Variants in CIMIP2A observed in about 807,000 individuals in gnomAD.
CIMIP2A encodes ciliary microtubule inner protein 2A.
chr9:137,245,744 G>A, the CIMIP2A span: 5 of 1,595,094 alleles, frequency 3.1e-6, no homozygotes, highest in East Asian at 9.0e-5. Context: ...ATGGGGGACA[G>A]CACAGAGCAG....
chr9:137,253,948 C>T, the CIMIP2A span, among the ~76,000 whole-genome samples: 1 of 152,192 alleles, frequency 6.6e-6, no homozygotes, highest in Non-Finnish European at 1.5e-5. Context: ...GCCCTGCAGA[C>T]TCCACTCCCG....
the CIMIP2A span, chr9:137,245,736 G>A: frequency 1.3e-3 from 2,075 of 1,601,038 alleles, 20 homozygotes; most frequent in African/African-American, 0.025. Flanking sequence ...GTTTGGACAT[G>A]GGGGACAGCA....
At chr9:137,252,910 C>A in the CIMIP2A span, 2 of 1,598,864 alleles carry the variant, frequency 1.3e-6, no homozygotes, top group Non-Finnish European at 1.7e-6. Context: ...AGAGCCCCCG[C>A]TCGCCGGCCT....
At chr9:137,252,027 G>A in the CIMIP2A span, 1 of 1,612,560 alleles carries the variant, frequency 6.2e-7, no homozygotes, top group South Asian at 1.1e-5. Context: ...CCTGATCACA[G>A]CTGACCTGGA....
At chr9:137,243,632 C>T in the CIMIP2A span, 3 of 1,613,804 alleles carry the variant, frequency 1.9e-6, no homozygotes, top group Non-Finnish European at 2.5e-6. Flanking sequence ...GTGGCCTGTC[C>T]CACTGTGTGC....
the CIMIP2A span, chr9:137,244,365 T>C: frequency 6.2e-7 from 1 of 1,601,466 alleles, no homozygotes; most frequent in Non-Finnish European, 8.5e-7. Flanking sequence ...AGTGGGGGCC[T>C]GGCCGGAGGG....
the CIMIP2A span, chr9:137,244,320 C>T: frequency 1.6e-5 from 26 of 1,612,400 alleles, no homozygotes; most frequent in South Asian, 2.5e-4. Context: ...AACAAGCTCC[C>T]TCCCCGGCAG....
At chr9:137,254,759 C>T in the CIMIP2A span, among the ~76,000 whole-genome samples, 1 of 152,022 alleles carries the variant, frequency 6.6e-6, no homozygotes, top group Non-Finnish European at 1.5e-5. Context: ...CTTCACGGCT[C>T]CGCGGAGCTC....
chr9:137,254,416 G>C, the CIMIP2A span, among the ~76,000 whole-genome samples: 1 of 152,208 alleles, frequency 6.6e-6, no homozygotes, highest in Non-Finnish European at 1.5e-5. Context: ...CTCTGCTCAC[G>C]GCTGCACCAC....
chr9:137,244,025 G>A, the CIMIP2A span: 268 of 926,938 alleles, frequency 2.9e-4, 2 homozygotes, highest in East Asian at 6.7e-3. Context: ...TAGGGAGGAT[G>A]GCAGACAATC....
chr9:137,249,331 G>T, the CIMIP2A span, among the ~76,000 whole-genome samples: 1 of 152,194 alleles, frequency 6.6e-6, no homozygotes, highest in South Asian at 2.1e-4. Flanking sequence ...AACCAAGTTG[G>T]TATGGATCAC....
the CIMIP2A span, chr9:137,244,733 T>G: frequency 1.2e-6 from 2 of 1,612,874 alleles, no homozygotes; most frequent in Non-Finnish European, 8.5e-7. Flanking sequence ...GAAGCCAGCA[T>G]AGCCTGGGGG....
At chr9:137,244,987 G>T in the CIMIP2A span, 1 of 1,607,604 alleles carries the variant, frequency 6.2e-7, no homozygotes. Flanking sequence ...TTCTGGAGCA[G>T]GAAAAGTGGG....
the CIMIP2A span, among the ~76,000 whole-genome samples, chr9:137,254,057 G>A: frequency 3.3e-5 from 5 of 152,256 alleles, no homozygotes; most frequent in East Asian, 1.9e-4. Flanking sequence ...ACCCAGGGTC[G>A]GGCCCCAAGG....
the CIMIP2A span, among the ~76,000 whole-genome samples, chr9:137,248,505 T>C: frequency 7.7e-3 from 1,077 of 140,282 alleles, 15 homozygotes; most frequent in African/African-American, 0.027. Context: ...ATCGTGCCAC[T>C]GCACTCCAGC....
At chr9:137,252,056 G>C in the CIMIP2A span, 1 of 1,613,124 alleles carries the variant, frequency 6.2e-7, no homozygotes, top group Non-Finnish European at 8.5e-7. Context: ...GCCCCACCAG[G>C]TACCAGGTGC....
chr9:137,251,696 G>A, the CIMIP2A span: 9 of 1,544,870 alleles, frequency 5.8e-6, no homozygotes, highest in Middle Eastern at 1.8e-4. Context: ...GTGGCTGGGA[G>A]CGGCCGGGGG....
chr9:137,250,321 A>G, the CIMIP2A span: 1 of 152,054 alleles, frequency 6.6e-6, no homozygotes. Context: ...AGCAAAGTAC[A>G]CTCTGTTCCA....
chr9:137,244,597 G>A, the CIMIP2A span: 1 of 1,605,306 alleles, frequency 6.2e-7, no homozygotes, highest in Non-Finnish European at 8.5e-7. Flanking sequence ...AGGAGAGGAA[G>A]TGTGTGTGTG....
Sources: allele counts gnomAD v4.1 joint callset (sites outside exome capture counted in the v4.1 genomes callset), GRCh38; gene constraint gnomAD v4.1.1; transcripts MANE v1.5; gene names NCBI Gene and HGNC (gene_info 2026-07-23, HGNC 2026-07-21).